The following CCR3 variants were observed in gnomAD, a reference collection of about 807,000 sequenced individuals.
CCR3 encodes the protein C-C motif chemokine receptor 3.
For missense variants in CCR3, 419 were observed against 437.5 expected (o/e 0.96, Z 0.38); for synonymous variants, 203 against 179.2 (o/e 1.13, Z -1.06).
At chr3:46,249,779 G>A (rs1169501209) in intron 1 of CCR3, among the ~76,000 whole-genome samples, 2 of 152,152 alleles carry the variant, frequency 1.3e-5, no homozygotes, top group Non-Finnish European at 2.9e-5. Context: ...GGTTCTGGAG[G>A]AACGCCTGGC....
rs200077236 is a variant in CCR3 at position 46,266,378 on chromosome 3, G to A, written c.*152G>A. 1.8e-5 allele frequency: 11 copies of A among 615,060 alleles called. No homozygotes were observed. The highest frequency in any genetic ancestry group is 3.2e-5 in the Non-Finnish European group (11 of 339,260). The allele number at this position is 615,060 out of a possible 1,614,324, so 38.1% of individuals were successfully genotyped here. A position where few individuals can be genotyped will look rare whatever the true frequency, so the allele number is the denominator to read the frequency against. On this transcript the variant is annotated 3_prime_UTR_variant, in exon 2 of 2. Transcript: ENST00000395940. ...CTGAAATATACACACAGCAGTAGCA[G>A]TAGATGCATGTACCCTAAGGTCATT...
intron 1 of CCR3, chr3:46,264,867 A>G (rs1700587646): frequency 9.1e-6 from 4 of 439,356 alleles, no homozygotes; most frequent in Admixed American, 8.1e-5. Flanking sequence ...CTTCCTTTAA[A>G]TGCTTTCAGA....
At chr3:46,253,027 G>A (rs1278766358) in intron 1 of CCR3, among the ~76,000 whole-genome samples, 1 of 152,114 alleles carries the variant, frequency 6.6e-6, no homozygotes, top group African/African-American at 2.4e-5. Flanking sequence ...GAACCACTGA[G>A]AGCCAGACCC....
At chr3:46,214,887 C>T (rs1284106727) in intron 2 of CCR3, among the ~76,000 whole-genome samples, 3 of 152,106 alleles carry the variant, frequency 2.0e-5, no homozygotes, top group South Asian at 2.1e-4. Context: ...GCACATTATC[C>T]CCTCCCAATG....
intron 2 of CCR3, among the ~76,000 whole-genome samples, chr3:46,214,887 C>G (rs1284106727): frequency 6.6e-6 from 1 of 152,106 alleles, no homozygotes; most frequent in East Asian, 1.9e-4. Context: ...GCACATTATC[C>G]CCTCCCAATG....
In CCR3 at chr3:46,265,288, G is replaced by T. The variant is rs1019662335; in HGVS notation, c.130G>T (p.Val44Leu). The change falls in exon 2 of 2, where the codon GTG (valine) becomes TTG (leucine). Residue 44 changes from valine (V) to leucine (L), a missense_variant. Val to Leu is a conservative substitution (Grantham distance 32). Transcript: ENST00000395940. ...GTTTGTGCCCCCGCTGTACTCCCTG[G>T]TGTTCACTGTGGGCCTCTTGGGCAA... ...AQFVPPLYSL[V>L]FTVGLLGNVV... 1 of 1,613,954 alleles carries T rather than the reference G, an allele frequency of 6.2e-7. No homozygotes were observed. The highest frequency in any genetic ancestry group is 1.3e-5 in the African/African-American group (1 of 74,912).
At chr3:46,253,548 G>A (rs895687341) in intron 1 of CCR3, among the ~76,000 whole-genome samples, 1 of 151,938 alleles carries the variant, frequency 6.6e-6, no homozygotes, top group Non-Finnish European at 1.5e-5. Context: ...GACCACTTTC[G>A]GATGCTGTGA....
intron 2 of CCR3, among the ~76,000 whole-genome samples, chr3:46,211,689 A>G (rs1374487620): frequency 6.6e-6 from 1 of 152,204 alleles, no homozygotes; most frequent in Non-Finnish European, 1.5e-5. Flanking sequence ...CCCAAAAGGA[A>G]CAACAGTATC....
Position 46,224,672 on chromosome 3 carries a change from G to T in CCR3, c.-68+13765G>T, listed in dbSNP as rs371095445. ...GAATTGCTTGAGCCTGGGAGACGGA[G>T]GTTGCAGTGAGCCGAGATCATGCCA... On this transcript the variant is annotated intron_variant, in intron 2 of 3. Transcript: ENST00000357422. 1.6e-3 allele frequency among the ~76,000 whole-genome samples: 236 copies of T among 150,030 alleles called. 10 individuals carry two copies. In the South Asian group the frequency reaches 0.049, roughly 31 times the overall value.
At position 46,224,800 on chromosome 3, in the gene CCR3, G is replaced by T. The variant is rs115751722; in HGVS notation, c.-68+13893G>T. 2.0e-3 allele frequency among the ~76,000 whole-genome samples: 293 copies of T among 147,360 alleles called. 1 individual carries two copies. The highest frequency in any genetic ancestry group is 6.9e-3 in the African/African-American group (273 of 39,812). ...AAACCCTGACAATAGACAATACCAA[G>T]TATTAAAAAGGTTATGAGGCAATGA... On this transcript the variant is annotated intron_variant, in intron 2 of 3. Coordinates refer to the CCR3 transcript ENST00000357422.
At chr3:46,224,142 T>C (rs1212053611) in intron 2 of CCR3, among the ~76,000 whole-genome samples, 5 of 152,244 alleles carry the variant, frequency 3.3e-5, no homozygotes, top group African/African-American at 1.2e-4. Context: ...GATGAGGATA[T>C]CCAAATAACT....
chr3:46,248,303 A>AT (rs1700237022), intron 1 of CCR3, among the ~76,000 whole-genome samples: 1 of 152,152 alleles, frequency 6.6e-6, no homozygotes, highest in African/African-American at 2.4e-5. Context: ...AAGAAAATAG[A>AT]TTTTGGAAGT....
At chr3:46,213,978 G>A (rs1292564856) in intron 2 of CCR3, among the ~76,000 whole-genome samples, 1 of 152,054 alleles carries the variant, frequency 6.6e-6, no homozygotes, top group Non-Finnish European at 1.5e-5. Flanking sequence ...CAAAATTTTG[G>A]TCCTAGTTAG....
intron 1 of CCR3, among the ~76,000 whole-genome samples, chr3:46,255,559 G>T (rs926812727): frequency 6.6e-6 from 1 of 151,898 alleles, no homozygotes; most frequent in Non-Finnish European, 1.5e-5. Context: ...ATCCATCTTG[G>T]GTTGATTTTT....
At chr3:46,222,168 A>G (rs1172888648) in intron 2 of CCR3, among the ~76,000 whole-genome samples, 1 of 152,210 alleles carries the variant, frequency 6.6e-6, no homozygotes, top group Non-Finnish European at 1.5e-5. Context: ...AGACAGAGGA[A>G]GCAGGACCAT....
chr3:46,265,105 T>C lies in CCR3; in HGVS notation c.-11-43T>C, dbSNP rs112916828. 9.4e-5 allele frequency: 121 copies of C among 1,290,202 alleles called. No homozygotes were observed. The African/African-American group carries it at 1.3e-3, about 14-fold the overall frequency. 79.9% of individuals were successfully genotyped at this position (1,290,202 alleles called of 1,614,324 possible). ...AACTGGTGTGTTTTACGAAGGATGA[T>C]TATGCTTCATTGTGGGATTGTATTT... is the stretch of plus-strand genomic sequence containing the variant. On this transcript the variant is annotated intron_variant, in intron 1 of 1. Transcript: ENST00000395940.
At chr3:46,253,049 A>T (rs1700348004) in intron 1 of CCR3, among the ~76,000 whole-genome samples, 2 of 151,920 alleles carry the variant, frequency 1.3e-5, no homozygotes, top group African/African-American at 4.8e-5. Flanking sequence ...ATCTCCAGAG[A>T]CTCTGATTTA....
At chr3:46,229,819 C>T (rs1282486286) in intron 2 of CCR3, among the ~76,000 whole-genome samples, 2 of 151,622 alleles carry the variant, frequency 1.3e-5, no homozygotes, top group East Asian at 1.9e-4. Flanking sequence ...GGTGAAGATT[C>T]GTGTGCAAGG....
chr3:46,250,423 G>A (rs541332236), intron 1 of CCR3, among the ~76,000 whole-genome samples: 4 of 152,124 alleles, frequency 2.6e-5, no homozygotes, highest in South Asian at 4.2e-4. Flanking sequence ...GGGGACAGGC[G>A]GGAGGGAAAC....
Sources: gnomAD v4.1 joint callset for allele counts (sites outside exome capture counted in the v4.1 genomes callset) on GRCh38, gnomAD v4.1.1 for gene constraint, MANE v1.5 for transcripts, NCBI Gene and HGNC (gene_info 2026-07-23, HGNC 2026-07-21) for gene names.